Variants in TET3 observed in about 807,000 individuals in gnomAD.
The protein encoded by TET3 is tet methylcytosine dioxygenase 3, also known as methylcytosine dioxygenase TET3.
TET3 carries 19 observed loss-of-function variants against 141.4 expected under a neutral mutation model. The observed-to-expected ratio is 0.13, with a 90% CI of 0.09 to 0.20. The LOEUF (loss-of-function observed/expected upper bound fraction) is 0.20, where lower values mean the gene tolerates loss of function less well. Ranked by LOEUF, TET3 falls within the 10% of genes least tolerant of loss-of-function variation. TET3 has a pLI of 1.00. For missense variants in TET3, 1,874 were observed against 2,356.9 expected (o/e 0.80, Z 4.24); for synonymous variants, 1,043 against 980.9 (o/e 1.06, Z -1.18).
chr2:74,092,429 TCTGGGCTGGG>T (rs569626705), intron 8 of TET3, among the ~76,000 whole-genome samples: 9 of 152,054 alleles, frequency 5.9e-5, no homozygotes, highest in Non-Finnish European at 8.8e-5. Context: ...TATGACAGGC[TCTGGGCTGGG>T]CTGGGCTGGG....
At chr2:74,043,761 C>A (rs1230335375) in intron 3 of TET3, among the ~76,000 whole-genome samples, 5 of 152,116 alleles carry the variant, frequency 3.3e-5, no homozygotes, top group Non-Finnish European at 7.4e-5. Flanking sequence ...CCTCTGCTAA[C>A]CTCCCACAGA....
chr2:74,097,168 G>A (rs555818160), intron 10 of TET3, among the ~76,000 whole-genome samples: 3 of 140,246 alleles, frequency 2.1e-5, no homozygotes, highest in East Asian at 2.0e-4. Context: ...AATGTAATCC[G>A]ATTTGTAGTT....
intron 3 of TET3, among the ~76,000 whole-genome samples, chr2:74,024,055 A>G (rs1686209730): frequency 6.6e-6 from 1 of 152,256 alleles, no homozygotes; most frequent in Admixed American, 6.5e-5. Flanking sequence ...TTATGAAAAC[A>G]TGAATTTTTC....
intron 2 of TET3, chr2:74,002,732 C>A (rs1422229852): frequency 5.7e-6 from 3 of 524,832 alleles, no homozygotes; most frequent in East Asian, 6.7e-5. Flanking sequence ...CAGTGCCTCC[C>A]TCCGTGCGCT....
intron 3 of TET3, among the ~76,000 whole-genome samples, chr2:74,031,846 A>G (rs1045317029): frequency 2.0e-5 from 3 of 152,190 alleles, no homozygotes; most frequent in Non-Finnish European, 4.4e-5. Context: ...AAATCCATGA[A>G]TATTTATTGA....
chr2:74,089,864 A>T (rs1690379630), intron 7 of TET3, 33 bp from the exon 8 acceptor site: 1 of 1,611,086 alleles, frequency 6.2e-7, no homozygotes, highest in African/African-American at 1.3e-5. Flanking sequence ...GGGATATTGC[A>T]TCTATATCCC....
intron 4 of TET3, among the ~76,000 whole-genome samples, chr2:74,049,696 G>A (rs1350789406): frequency 6.6e-6 from 1 of 152,128 alleles, no homozygotes; most frequent in African/African-American, 2.4e-5. Flanking sequence ...TGTACTTGCT[G>A]GGATGTTGTT....
chr2:73,997,867 A>C (rs1684671765), intron 2 of TET3, among the ~76,000 whole-genome samples: 1 of 152,214 alleles, frequency 6.6e-6, no homozygotes, highest in African/African-American at 2.4e-5. Flanking sequence ...ACTACAGTAC[A>C]TTCTGATAGG....
At chr2:73,998,297 G>A (rs929208066) in intron 2 of TET3, 1 of 152,178 alleles carries the variant, frequency 6.6e-6, no homozygotes, top group Non-Finnish European at 1.5e-5. Flanking sequence ...TTGAATTTGG[G>A]GCGAGGAGAC....
intron 4 of TET3, among the ~76,000 whole-genome samples, chr2:74,062,033 G>C (rs1023258194): frequency 6.6e-6 from 1 of 152,224 alleles, no homozygotes; most frequent in African/African-American, 2.4e-5. Context: ...GCCGGGCAGA[G>C]GCTGCAGTCT....
chr2:74,046,969 A>C lies in TET3; in HGVS notation c.1052A>C (p.Asn351Thr), dbSNP rs759063450. Residue 351 changes from asparagine to threonine, a missense_variant, in exon 4 of 12, where the codon AAC (asparagine) becomes ACC (threonine). By Grantham distance (65) the Asn-to-Thr change is moderately conservative. Transcript: ENST00000409262. The surrounding 1 kb of genome is among the most constrained non-coding windows in gnomAD (Gnocchi z 4.3). The stretch of plus-strand genomic sequence containing the variant: ...GCCCTGAGCATTGCCAAGGAAAAAA[A>C]CATCAGCTTGCAGACCGCCATTGCC... ...QSALSIAKEK[N>T]ISLQTAIAIE... is the part of the protein sequence containing the mutation. 3.7e-6 allele frequency: 6 copies of C among 1,613,824 alleles called. No individual in the cohort carries two copies.
chr2:74,086,648 G>C (rs1365001768), intron 6 of TET3, among the ~76,000 whole-genome samples: 1 of 151,916 alleles, frequency 6.6e-6, no homozygotes, highest in Non-Finnish European at 1.5e-5. Flanking sequence ...AAGTTAGCCA[G>C]GCATGGTGGC....
At chr2:74,120,427 C>T in the TET3 span, among the ~76,000 whole-genome samples, 2 of 152,224 alleles carry the variant, frequency 1.3e-5, no homozygotes, top group African/African-American at 4.8e-5. Context: ...GGCTACGCCC[C>T]GGCCGCTCCA....
chr2:74,001,309 G>T (rs1034094735), intron 2 of TET3, among the ~76,000 whole-genome samples: 1 of 152,138 alleles, frequency 6.6e-6, no homozygotes, highest in South Asian at 2.1e-4. Context: ...GTAGGAGAGC[G>T]AATCACTGGG....
chr2:74,121,983 G>A, the TET3 span: 2 of 152,298 alleles, frequency 1.3e-5, no homozygotes, highest in African/African-American at 4.8e-5. Context: ...GGGTGACAGA[G>A]TGAGACTCCA....
chr2:74,050,344 A>G (rs1413594478), intron 4 of TET3, among the ~76,000 whole-genome samples: 1 of 152,194 alleles, frequency 6.6e-6, no homozygotes. Flanking sequence ...CTATGTGTAA[A>G]GCACTTAGTG....
chr2:74,069,589 C>CTT (rs929624713), intron 4 of TET3, among the ~76,000 whole-genome samples: 1 of 147,784 alleles, frequency 6.8e-6, no homozygotes, highest in African/African-American at 2.5e-5. Flanking sequence ...CCTTTCTTAT[C>CTT]TTTTTTTTTT....
At chr2:74,018,626 C>G (rs994852957) in intron 3 of TET3, among the ~76,000 whole-genome samples, 1 of 152,126 alleles carries the variant, frequency 6.6e-6, no homozygotes, top group Non-Finnish European at 1.5e-5. Flanking sequence ...CTCTTACAGT[C>G]ATGGGTGTTT....
chr2:74,068,107 C>T (rs543883845), intron 4 of TET3, among the ~76,000 whole-genome samples: 8 of 152,170 alleles, frequency 5.3e-5, no homozygotes, highest in East Asian at 3.9e-4. Context: ...CATGAGTAGA[C>T]GCCGTCAGTG....
Sources: allele counts gnomAD v4.1 joint callset (sites outside exome capture counted in the v4.1 genomes callset), GRCh38; gene constraint gnomAD v4.1.1; non-coding constraint Gnocchi (gnomAD v3.1); transcripts MANE v1.5; gene names NCBI Gene and HGNC (gene_info 2026-07-23, HGNC 2026-07-21).